EMC10: variants seen among roughly 807,000 people sequenced by gnomAD.
EMC10 encodes UPF0510 protein INM02.
EMC10 carries 40 observed loss-of-function variants against 32.2 expected under a neutral mutation model. The ratio of observed to expected loss-of-function variants is 1.24; its 90% CI spans 0.96 to 1.61. The LOEUF (loss-of-function observed/expected upper bound fraction) is 1.61. Among genes scored for constraint, EMC10 ranks in the 40% most tolerant of loss-of-function variants. EMC10 has a pLI of 0.00. For synonymous variants in EMC10, 178 were observed against 158.4 expected (o/e 1.12, Z -0.93); for missense variants, 402 against 357.7 (o/e 1.12, Z -1.00).
chr19:50,478,301 T>G (rs534151222), intron 2 of EMC10, among the ~76,000 whole-genome samples: 1 of 152,296 alleles, frequency 6.6e-6, no homozygotes, highest in Admixed American at 6.5e-5. Context: ...AAGTATTAAC[T>G]CAGATGTCCT....
chr19:50,484,130 C>T lies in EMC10; in HGVS notation c.*1871C>T, dbSNP rs1399025254. ...GCAACCTCCGCTTCCTGAGTTTAAG[C>T]GATTCTCCTGCATCAGCCTCCCAAA... On this transcript the variant is annotated 3_prime_UTR_variant, in exon 7 of 7. Transcript: ENST00000334976. 6 of 141,882 alleles carry T rather than the reference C, an allele frequency of 4.2e-5. No individual in the cohort carries two copies. The highest frequency in any genetic ancestry group is 1.6e-4 in the African/African-American group (6 of 37,732). 8.8% of individuals were successfully genotyped at this position (141,882 alleles called of 1,614,324 possible). A position where few individuals can be genotyped will look rare whatever the true frequency, so the allele number is the denominator to read the frequency against.
chr19:50,489,725 A>C lies in EMC10; in HGVS notation c.*7466A>C, dbSNP rs114850309. 0.011 allele frequency: 1,723 copies of C among 153,094 alleles called. 29 individuals carry two copies. Among genetic ancestry groups the C allele is most frequent in the African/African-American group, 0.04 (1,648 of 41,560 alleles). 9.5% of individuals were successfully genotyped at this position (153,094 alleles called of 1,614,324 possible). ...TGGGACTAGACGAGGATGGGGAGGA[A>C]CAGAGCAGCTGTGGAAGGTGCGGCA... On this transcript the variant is annotated 3_prime_UTR_variant, in exon 7 of 7. Transcript: ENST00000334976.
rs1601329393 is a variant in EMC10 at position 50,482,856 on chromosome 19, T to G, written c.*597T>G. 1.1e-5 allele frequency: 6 copies of G among 535,384 alleles called. No homozygotes were observed. Among genetic ancestry groups the G allele is most frequent in the African/African-American group, 1.9e-5 (1 of 51,844 alleles). 33.2% of individuals were successfully genotyped at this position (535,384 alleles called of 1,614,324 possible). ...CCGACGCCTAGTGCAGCCCCTGGGG[T>G]CGTGGTTTGACATTTGTCTGCCTGG... is the stretch of plus-strand genomic sequence containing the variant. On this transcript the variant is annotated 3_prime_UTR_variant, in exon 7 of 7. Transcript: ENST00000334976.
rs890150756 is a variant in EMC10, at chr19:50,480,846, C to G, written c.585-38C>G. The G allele has an allele frequency of 1.3e-6, 2 of 1,576,028 alleles. No homozygotes were observed. The highest frequency in any genetic ancestry group is 1.7e-6 in the Non-Finnish European group (2 of 1,158,120). On this transcript the variant is annotated intron_variant, in intron 5 of 6. Transcript: ENST00000334976. This position sits in a 1 kb window ranked among gnomAD's most constrained non-coding sequence, Gnocchi z 4.4. ...CTCAGGGTCTCCAGGTCCCTGGACT[C>G]CGGGCCTCACCCTTCTCCTCCTCTC...
At chr19:50,478,418 A>G (rs912727156) in intron 2 of EMC10, among the ~76,000 whole-genome samples, 2 of 152,212 alleles carry the variant, frequency 1.3e-5, no homozygotes, top group African/African-American at 4.8e-5. Context: ...AGTGAGTGGC[A>G]GAGCAGGGGC....
intron 1 of EMC10, 81 bp from the exon 2 acceptor site, chr19:50,477,844 AGTCT>A (rs766162079): frequency 2.2e-5 from 23 of 1,034,522 alleles, no homozygotes; most frequent in Admixed American, 3.1e-5. Flanking sequence ...TCAGCCCACC[AGTCT>A]GTCTGTCCTG....
intron 6 of EMC10, chr19:50,481,831 G>A: frequency 6.5e-7 from 1 of 1,533,744 alleles, no homozygotes; most frequent in East Asian, 2.4e-5. Flanking sequence ...GCAGCCCACT[G>A]GCCCTGACCT....
At position 50,482,213 on chromosome 19, in the gene EMC10, A is replaced by AGGG; in HGVS notation, c.744_746dup (p.Gly259dup). 1 of 131,686 alleles carries AGGG rather than the reference A, an allele frequency of 7.6e-6. No homozygotes were observed. The highest frequency in any genetic ancestry group is 1.3e-5 in the Non-Finnish European group (1 of 77,676). 8.2% of individuals were successfully genotyped at this position (131,686 alleles called of 1,614,324 possible). On this transcript the variant is annotated inframe_insertion, in exon 7 of 7. Transcript: ENST00000334976. ...TCAGGAGCGCCAGACACCGGGGGCC[A>AGGG]GGGTGGGGGTGGGGGTGGGGGTGGT...
chr19:50,482,432 A>G lies in EMC10; in HGVS notation c.*173A>G. The G allele has an allele frequency of 1.7e-6, 1 of 593,430 alleles. No homozygotes were observed. Among genetic ancestry groups the G allele is most frequent in the Non-Finnish European group, 3.0e-6 (1 of 333,356 alleles). 36.8% of individuals were successfully genotyped at this position (593,430 alleles called of 1,614,324 possible). A position where few individuals can be genotyped will look rare whatever the true frequency, so the allele number is the denominator to read the frequency against. ...CTCTGCCTTCTGCTGGCAGAGGAGC[A>G]GCTGGACTGGGGCCTTTGGCACAGC... On this transcript the variant is annotated 3_prime_UTR_variant, in exon 7 of 7. Coordinates refer to ENST00000334976, the MANE Select transcript of EMC10 (RefSeq NM_206538.4).
Position 50,477,975 on chromosome 19 carries a change from T to G in EMC10, c.161T>G (p.Leu54Arg). The change falls in exon 2 of 7, where the codon CTG becomes CGG. Residue 54 changes from leucine to arginine, a missense_variant. Leu to Arg is a moderately radical substitution (Grantham distance 102, BLOSUM62 -2). Coordinates refer to ENST00000334976, the MANE Select transcript of EMC10 (RefSeq NM_206538.4). ...REGEACGTVG[L>R]LLEHSFEIDD... The stretch of plus-strand genomic sequence containing the variant: ...GGCGAGGCCTGTGGCACGGTGGGGC[T>G]GCTGCTGGAGCACTCATTTGAGATC... 1 of 1,603,004 alleles carries G rather than the reference T, an allele frequency of 6.2e-7. No individual in the cohort carries two copies. The highest frequency in any genetic ancestry group is 8.5e-7 in the Non-Finnish European group (1 of 1,176,566).
chr19:50,481,601 T>A (rs1306858513), intron 6 of EMC10: 2 of 513,332 alleles, frequency 3.9e-6, no homozygotes, highest in Non-Finnish European at 6.8e-6. Context: ...AGCGAAGAGG[T>A]CTGTGTGGCC....
In EMC10 at chr19:50,482,190, A is replaced by G; in HGVS notation, c.720A>G (p.Ser240=). The G allele has an allele frequency of 1.6e-6, 2 of 1,226,302 alleles. No homozygotes were observed. Among genetic ancestry groups the G allele is most frequent in the African/African-American group, 1.7e-5 (1 of 57,422 alleles). 76.0% of individuals were successfully genotyped at this position (1,226,302 alleles called of 1,614,324 possible). ...CCGTCGTCCTGTTCCTCATGATGTC[A>G]GGAGCGCCAGACACCGGGGGCCAGG... ...IIPVVLFLMM[S]GAPDTGGQGG... is the part of the protein sequence containing the mutation. Residue 240 remains serine, a synonymous_variant, in exon 7 of 7, where the codon TCA becomes TCG. Transcript: ENST00000334976.
intron 6 of EMC10, chr19:50,481,812 G>C: frequency 6.7e-7 from 1 of 1,491,388 alleles, no homozygotes; most frequent in South Asian, 1.3e-5. Flanking sequence ...CTGGCCCTCA[G>C]GCCCCACGGC....
At chr19:50,482,076 A>G in intron 6 of EMC10, 73 bp from the exon 7 acceptor site, 1 of 1,375,886 alleles carries the variant, frequency 7.3e-7, no homozygotes, top group Middle Eastern at 1.8e-4. Context: ...TGGGTGGGTG[A>G]TGCCCACACT....
chr19:50,479,453 C>T (rs551862071), intron 3 of EMC10, among the ~76,000 whole-genome samples: 22 of 152,366 alleles, frequency 1.4e-4, no homozygotes, highest in African/African-American at 4.6e-4. Flanking sequence ...GAGCTCACTT[C>T]TGTCGCCCTG....
In EMC10 at chr19:50,484,952, A is replaced by T. The variant is rs1264566017; in HGVS notation, c.*2693A>T. The T allele has an allele frequency of 6.6e-6, 1 of 152,156 alleles. No homozygotes were observed. The highest frequency in any genetic ancestry group is 2.4e-5 in the African/African-American group (1 of 41,436). The allele number at this position is 152,156 out of a possible 1,614,324, so 9.4% of individuals were successfully genotyped here. On this transcript the variant is annotated 3_prime_UTR_variant, in exon 7 of 7. Transcript: ENST00000334976. ...TTTTCTGTCCCCTGGTATGCTGCAG[A>T]TACTCTCCACAGAAACAAGCAGATG...
chr19:50,477,069 A>C (rs1290694909), intron 1 of EMC10: 4 of 164,782 alleles, frequency 2.4e-5, no homozygotes, highest in African/African-American at 7.5e-5. Flanking sequence ...CAGCCTGGGC[A>C]ACATAGCGAG....
intron 2 of EMC10, 113 bp from the exon 3 acceptor site, chr19:50,478,844 C>G: frequency 1.4e-6 from 1 of 723,274 alleles, no homozygotes; most frequent in Non-Finnish European, 2.4e-6. Flanking sequence ...GGGGAGGGAA[C>G]CTGGTCACTC....
At chr19:50,481,061 C>A (rs1049109422) in intron 6 of EMC10, 84 bp downstream of exon 6, 5 of 1,079,590 alleles carry the variant, frequency 4.6e-6, no homozygotes, top group Admixed American at 4.3e-5. Context: ...CACCCAGACT[C>A]CCCTATGGTG....
Sources: allele counts gnomAD v4.1 joint callset (sites outside exome capture counted in the v4.1 genomes callset), GRCh38; gene constraint gnomAD v4.1.1; non-coding constraint Gnocchi (gnomAD v3.1); transcripts MANE v1.5; gene names NCBI Gene and HGNC (gene_info 2026-07-23, HGNC 2026-07-21).